RNF187: variants seen among roughly 807,000 people sequenced by gnomAD.
RNF187 encodes the protein ring finger protein 187.
Under a neutral mutation model 22.2 loss-of-function variants are expected in RNF187, and 18 were observed. That is an observed-to-expected ratio of 0.81 (90% confidence interval 0.56 to 1.20). RNF187 has a LOEUF of 1.20. Among genes scored for constraint, RNF187 ranks in the 50% most tolerant of loss-of-function variants. The probability of loss-of-function intolerance (pLI) is 0.00; values close to 1 mark genes in which losing one functional copy is unlikely to be tolerated. For missense variants in RNF187, 329 were observed against 317.6 expected (o/e 1.04, Z -0.27); for synonymous variants, 164 against 140.9 (o/e 1.16, Z -1.16).
At position 228,493,871 on chromosome 1, in the gene RNF187, C is replaced by T; in HGVS notation, c.706-12C>T. 6.4e-7 allele frequency: 1 copy of T among 1,551,654 alleles called. No individual in the cohort carries two copies. ...TTTGTCTCTCTGTCTTTCCCTCTCC[C>T]CTCCCATGCAGTGATGGCGCCAACC... On this transcript the variant is annotated splice_polypyrimidine_tract_variant and intron_variant, in intron 3 of 3. Transcript: ENST00000305943. This position sits in a 1 kb window ranked among gnomAD's most constrained non-coding sequence, Gnocchi z 4.7.
Position 228,496,188 on chromosome 1 carries a change from A to G in RNF187, c.*2303A>G. Among the ~76,000 whole-genome samples the G allele has an allele frequency of 6.6e-6, 1 of 152,214 alleles. No individual in the cohort carries two copies. Among genetic ancestry groups the G allele is most frequent in the Non-Finnish European group, 1.5e-5 (1 of 68,038 alleles). Reference sequence around the variant, plus strand: ...CTATAAATCAACATTTTGATTCCACATATAAGTGAGATCATGTGATATTTG... The same window carrying G: ...CTATAAATCAACATTTTGATTCCACGTATAAGTGAGATCATGTGATATTTG... On this transcript the variant is annotated 3_prime_UTR_variant, in exon 4 of 4. Transcript: ENST00000305943.
At chr1:228,492,752 G>C in intron 2 of RNF187, among the ~76,000 whole-genome samples, 1 of 147,684 alleles carries the variant, frequency 6.8e-6, no homozygotes, top group African/African-American at 2.5e-5. Context: ...TCAGCCTCCC[G>C]ATTAGCTGGG....
At position 228,495,055 on chromosome 1, in the gene RNF187, A is replaced by T; in HGVS notation, c.*1170A>T. On this transcript the variant is annotated 3_prime_UTR_variant, in exon 4 of 4. Coordinates refer to ENST00000305943, the MANE Select transcript of RNF187 (RefSeq NM_001010858.3). ...CAGTGTCAAAGGAAACTTCCTCGTGACACGTGCTAAAGCATGGTGAGGAGG... is the reference window on the plus strand; with the variant it reads ...CAGTGTCAAAGGAAACTTCCTCGTGTCACGTGCTAAAGCATGGTGAGGAGG... 1 of 983,532 alleles carries T rather than the reference A, an allele frequency of 1.0e-6. No homozygotes were observed. Among genetic ancestry groups the T allele is most frequent in the Non-Finnish European group, 1.2e-6 (1 of 828,326 alleles). 60.9% of individuals were successfully genotyped at this position (983,532 alleles called of 1,614,324 possible).
intron 2 of RNF187, among the ~76,000 whole-genome samples, chr1:228,489,997 C>G: frequency 2.6e-5 from 4 of 152,370 alleles, no homozygotes; most frequent in Admixed American, 2.6e-4. Flanking sequence ...TTTTAGGTTA[C>G]TCACCAGTAA....
chr1:228,488,197 C>T, intron 1 of RNF187: 1 of 155,866 alleles, frequency 6.4e-6, no homozygotes, highest in East Asian at 1.8e-4. Context: ...CTTCCCCCAC[C>T]AGCGCCCATC....
rs1318002885 is a variant in RNF187, at chr1:228,493,116, G to A, written c.547G>A (p.Val183Met). Residue 183 changes from valine (V) to methionine (M), a missense_variant, in exon 3 of 4, where the codon GTG becomes ATG. Transcript: ENST00000305943. The surrounding 1 kb of genome is among the most constrained non-coding windows in gnomAD (Gnocchi z 4.7). ...CTACAAGAAGCTGCGGGCCTTCTTT[G>A]TGGAGGAGGAGGAGCATTTCCTGCA... is the stretch of plus-strand genomic sequence containing the variant. 2.6e-6 allele frequency: 4 copies of A among 1,551,740 alleles called. No individual in the cohort carries two copies. In the South Asian group the frequency reaches 4.8e-5, roughly 18 times the overall value.
Position 228,494,505 on chromosome 1 carries a change from G to C in RNF187, c.*620G>C. ...CCTTCCTGGCCCCCACCCCACTCCT[G>C]TGCCTCCCAGGAGCCCTCCCTGTGC... is the stretch of plus-strand genomic sequence containing the variant. On this transcript the variant is annotated 3_prime_UTR_variant, in exon 4 of 4. Coordinates refer to ENST00000305943, the MANE Select transcript of RNF187 (RefSeq NM_001010858.3). 16 of 986,202 alleles carry C rather than the reference G, an allele frequency of 1.6e-5. No homozygotes were observed. The highest frequency in any genetic ancestry group is 1.9e-5 in the Non-Finnish European group (16 of 830,680). 61.1% of individuals were successfully genotyped at this position (986,202 alleles called of 1,614,324 possible).
Position 228,493,309 on chromosome 1 carries a change from G to A in RNF187, c.705+35G>A. ...CCCCGCTGGGTCTGCCCACCATCGG[G>A]CCAGGGTGGACGCAGGCAGCAGCGA... On this transcript the variant is annotated intron_variant, in intron 3 of 3. Transcript: ENST00000305943. The surrounding 1 kb of genome is among the most constrained non-coding windows in gnomAD (Gnocchi z 4.7). The A allele has an allele frequency of 1.3e-6, 2 of 1,533,022 alleles. No individual in the cohort carries two copies. The highest frequency in any genetic ancestry group is 1.8e-6 in the Non-Finnish European group (2 of 1,135,868). 95.0% of individuals were successfully genotyped at this position (1,533,022 alleles called of 1,614,324 possible).
chr1:228,491,013 C>A, intron 2 of RNF187, among the ~76,000 whole-genome samples: 2 of 152,302 alleles, frequency 1.3e-5, no homozygotes, highest in African/African-American at 4.8e-5. Context: ...TGCAGCTGAG[C>A]ACTGCAGTGT....
chr1:228,491,387 CAAAAAAAA>C, intron 2 of RNF187, among the ~76,000 whole-genome samples: 1 of 75,578 alleles, frequency 1.3e-5, no homozygotes, highest in South Asian at 6.6e-4. Context: ...GGCCCTATCT[CAAAAAAAA>C]AAAAAAAAAA....
rs764829313 is a variant in RNF187, at chr1:228,493,176, G to A, written c.607G>A (p.Glu203Lys). The A allele has an allele frequency of 1.4e-5, 22 of 1,551,628 alleles. No homozygotes were observed. The highest frequency in any genetic ancestry group is 3.9e-5 in the Admixed American group (2 of 50,992). The change falls in exon 3 of 4, where the codon GAG becomes AAG. Residue 203 changes from glutamate (E) to lysine (K), a missense_variant. Transcript: ENST00000305943. The surrounding 1 kb of genome is among the most constrained non-coding windows in gnomAD (Gnocchi z 4.7). ...GAAGGAGGAGGGGCTCCCTGAGGAC[G>A]AGCTGGCTGACCCCACTGAGCGGTT...
At chr1:228,490,745 C>T in intron 2 of RNF187, among the ~76,000 whole-genome samples, 1 of 152,372 alleles carries the variant, frequency 6.6e-6, no homozygotes, top group South Asian at 2.1e-4. Flanking sequence ...TCCTGCTCTG[C>T]TCTCCTGTTT....
chr1:228,494,034 T>C lies in RNF187; in HGVS notation c.*149T>C. 6.5e-7 allele frequency: 1 copy of C among 1,540,764 alleles called. No homozygotes were observed. The highest frequency in any genetic ancestry group is 8.8e-7 in the Non-Finnish European group (1 of 1,142,068). On this transcript the variant is annotated 3_prime_UTR_variant, in exon 4 of 4. Coordinates refer to ENST00000305943, the MANE Select transcript of RNF187 (RefSeq NM_001010858.3). ...TAGTTGCGTGTTTCAACAATGTCCA[T>C]TTATCCTTCACCCCGAGGCGTGTTT...
chr1:228,494,892 C>G lies in RNF187; in HGVS notation c.*1007C>G. ...CCTTTCAGCCCTTCTGAGTCCCCGG[C>G]CCTTGGTGCGATGTCTGTGAGTTTG... On this transcript the variant is annotated 3_prime_UTR_variant, in exon 4 of 4. Coordinates refer to ENST00000305943, the MANE Select transcript of RNF187 (RefSeq NM_001010858.3). The G allele has an allele frequency of 1.0e-6, 1 of 985,426 alleles. No homozygotes were observed. The highest frequency in any genetic ancestry group is 1.2e-6 in the Non-Finnish European group (1 of 829,992). 61.0% of individuals were successfully genotyped at this position (985,426 alleles called of 1,614,324 possible). A position where few individuals can be genotyped will look rare whatever the true frequency, so the allele number is the denominator to read the frequency against.
chr1:228,493,473 G>T lies in RNF187; in HGVS notation c.705+199G>T. Among the ~76,000 whole-genome samples, 1 of 152,242 alleles carries T rather than the reference G, an allele frequency of 6.6e-6. No homozygotes were observed. Among genetic ancestry groups the T allele is most frequent in the African/African-American group, 2.4e-5 (1 of 41,468 alleles). ...GGGAAGGGGTTTTAAGTTGAGGAGGGTCTGAGGTGTCCCTGACCTTCACAA... is the reference window on the plus strand; with the variant it reads ...GGGAAGGGGTTTTAAGTTGAGGAGGTTCTGAGGTGTCCCTGACCTTCACAA... On this transcript the variant is annotated intron_variant, in intron 3 of 3. Coordinates refer to ENST00000305943, the MANE Select transcript of RNF187 (RefSeq NM_001010858.3). The surrounding 1 kb of genome is among the most constrained non-coding windows in gnomAD (Gnocchi z 4.7).
At chr1:228,491,387 C>CAAA in intron 2 of RNF187, among the ~76,000 whole-genome samples, 10,541 of 74,896 alleles carry the variant, frequency 0.14, 1,439 homozygotes, top group East Asian at 0.44. Context: ...GGCCCTATCT[C>CAAA]AAAAAAAAAA....
In RNF187 at chr1:228,488,956, A is replaced by G; in HGVS notation, c.391-4A>G. On this transcript the variant is annotated splice_polypyrimidine_tract_variant and splice_region_variant and intron_variant, in intron 1 of 3. Coordinates refer to ENST00000305943, the MANE Select transcript of RNF187 (RefSeq NM_001010858.3). ...CACCCCTGGTGACCTTCTTTTCTTT[A>G]CAGGAGAACAAGGGGTCTGTGGAAA... 6.4e-7 allele frequency: 1 copy of G among 1,550,840 alleles called. No individual in the cohort carries two copies. The highest frequency in any genetic ancestry group is 8.7e-7 in the Non-Finnish European group (1 of 1,146,662).
chr1:228,488,805 G>A, intron 1 of RNF187, among the ~76,000 whole-genome samples, 155 bp from the exon 2 acceptor site: 1 of 152,252 alleles, frequency 6.6e-6, no homozygotes, highest in East Asian at 1.9e-4. Flanking sequence ...CCTTTTGACT[G>A]CCTGTGCGTT....
Position 228,494,533 on chromosome 1 carries a change from C to T in RNF187, c.*648C>T. 1 of 986,200 alleles carries T rather than the reference C, an allele frequency of 1.0e-6. No individual in the cohort carries two copies. The highest frequency in any genetic ancestry group is 1.2e-6 in the Non-Finnish European group (1 of 830,528). The allele number at this position is 986,200 out of a possible 1,614,324, so 61.1% of individuals were successfully genotyped here. A position where few individuals can be genotyped will look rare whatever the true frequency, so the allele number is the denominator to read the frequency against. On this transcript the variant is annotated 3_prime_UTR_variant, in exon 4 of 4. Coordinates refer to ENST00000305943, the MANE Select transcript of RNF187 (RefSeq NM_001010858.3). Reference sequence around the variant, plus strand: ...CCTCCCAGGAGCCCTCCCTGTGCTCCACCTGCCTCCGCAGAAGGAAGCCTC... The same window carrying T: ...CCTCCCAGGAGCCCTCCCTGTGCTCTACCTGCCTCCGCAGAAGGAAGCCTC...
Sources: gnomAD v4.1 joint callset for allele counts (sites outside exome capture counted in the v4.1 genomes callset) on GRCh38, gnomAD v4.1.1 for gene constraint, Gnocchi (gnomAD v3.1) non-coding constraint, MANE v1.5 for transcripts, NCBI Gene and HGNC (gene_info 2026-07-23, HGNC 2026-07-21) for gene names.